Variants in AUTS2 observed in about 807,000 individuals in gnomAD.
AUTS2 encodes the protein activator of transcription and developmental regulator AUTS2.
A neutral mutation model predicts 112.4 loss-of-function variants in AUTS2; 17 were observed. The observed-to-expected ratio is 0.15, with a 90% confidence interval of 0.10 to 0.23. AUTS2 has a LOEUF of 0.23. AUTS2 is among the 10% of genes least tolerant of loss of function. The pLI is 1.00. For missense variants in AUTS2, 1,510 were observed against 1,701.6 expected, an observed-to-expected ratio of 0.89 and a Z score of 1.98; for synonymous variants, 751 against 702.7, an observed-to-expected ratio of 1.07 and a Z score of -1.09.
chr7:69,869,204 G>C (rs889390561), intron 1 of AUTS2, among the ~76,000 whole-genome samples: 1 of 152,156 alleles, frequency 6.6e-6, no homozygotes, highest in Admixed American at 6.5e-5. Context: ...AAGCTGGCAA[G>C]AGAGTCAATT....
At chr7:69,926,006 A>T (rs1427812198) in intron 2 of AUTS2, among the ~76,000 whole-genome samples, 1 of 152,168 alleles carries the variant, frequency 6.6e-6, no homozygotes, top group East Asian at 1.9e-4. Flanking sequence ...AAAACAAAAC[A>T]CACCTAGAAA....
intron 1 of AUTS2, among the ~76,000 whole-genome samples, chr7:69,724,581 A>G: frequency 6.6e-6 from 1 of 152,246 alleles, no homozygotes; most frequent in Non-Finnish European, 1.5e-5. Context: ...TAGCATCAGG[A>G]TTCAAGGTTA....
chr7:70,166,097 C>T (rs945233207), intron 4 of AUTS2, among the ~76,000 whole-genome samples: 2 of 152,076 alleles, frequency 1.3e-5, no homozygotes, highest in Non-Finnish European at 2.9e-5. Flanking sequence ...TTCCTGAGGC[C>T]TCTCAGTCAT....
intron 1 of AUTS2, among the ~76,000 whole-genome samples, chr7:69,782,303 G>C (rs1275744775): frequency 6.6e-6 from 1 of 151,888 alleles, no homozygotes; most frequent in Non-Finnish European, 1.5e-5. Context: ...ATCGAGGCTG[G>C]AGTGAGCTGT....
intron 1 of AUTS2, among the ~76,000 whole-genome samples, chr7:69,819,063 G>A (rs763619195): frequency 5.9e-5 from 9 of 152,210 alleles, no homozygotes; most frequent in Non-Finnish European, 1.0e-4. Flanking sequence ...GAGCTTGGGT[G>A]TGCCTGAGTT....
At position 69,899,424 on chromosome 7, in the gene AUTS2, T is replaced by A; in HGVS notation, c.448T>A (p.Ser150Thr). ...SRLSHPHHYS[S>T]DRENDRNLCQ... ...ACTCAGCCACCCACACCACTACAGC[T>A]CAGATCGAGAAAATGACCGCAATCT... Residue 150 changes from serine (S) to threonine (T), a missense_variant, in exon 2 of 19, where the codon TCA (serine) becomes ACA (threonine). This residue lies in a region of AUTS2 where 535 missense variants were observed against 594.3 expected (regional missense o/e 0.90). Transcript: ENST00000342771. The A allele has an allele frequency of 1.2e-6, 2 of 1,613,828 alleles. No homozygotes were observed. The highest frequency in any genetic ancestry group is 1.7e-6 in the Non-Finnish European group (2 of 1,179,864).
chr7:70,734,003 G>A (rs1787618986), intron 6 of AUTS2, among the ~76,000 whole-genome samples: 1 of 152,120 alleles, frequency 6.6e-6, no homozygotes, highest in South Asian at 2.1e-4. Flanking sequence ...TGGTGGCTGA[G>A]TTTCCTTTTA....
Position 70,595,099 on chromosome 7 carries a change from G to GAA in AUTS2, c.691-103459_691-103458dup, listed in dbSNP as rs11394098. Among the ~76,000 whole-genome samples, 189 of 146,290 alleles carry GAA rather than the reference G, an allele frequency of 1.3e-3. 1 individual carries two copies. Among genetic ancestry groups the GAA allele is most frequent in the African/African-American group, 3.6e-3 (145 of 39,732 alleles). Reference sequence around the variant, plus strand: ...CTGAACAAGAGTGAAACTGTCTCAAGAAAAAAAAAAAAGAATTATTACCAG... The same window carrying GAA: ...CTGAACAAGAGTGAAACTGTCTCAAGAAAAAAAAAAAAAAGAATTATTACCAG... On this transcript the variant is annotated intron_variant, in intron 5 of 18. Transcript: ENST00000342771.
intron 2 of AUTS2, among the ~76,000 whole-genome samples, chr7:69,962,791 A>G (rs1797484064): frequency 1.3e-5 from 2 of 151,952 alleles, no homozygotes; most frequent in South Asian, 4.2e-4. Flanking sequence ...AGGGCTGAAA[A>G]AGAGAGAGAA....
intron 6 of AUTS2, among the ~76,000 whole-genome samples, chr7:70,722,691 G>A (rs35858938): frequency 0.1 from 15,825 of 152,168 alleles, 1,035 homozygotes; most frequent in South Asian, 0.2. Context: ...AGTCATTATG[G>A]TGTCTGCTAA....
At chr7:70,021,032 G>T (rs1046565780) in intron 2 of AUTS2, among the ~76,000 whole-genome samples, 18 of 151,618 alleles carry the variant, frequency 1.2e-4, no homozygotes, top group Admixed American at 1.2e-3. Flanking sequence ...GCCCAGGCTG[G>T]AGTGCAATGG....
intron 1 of AUTS2, among the ~76,000 whole-genome samples, chr7:69,746,309 C>T (rs1787494073): frequency 6.6e-6 from 1 of 152,154 alleles, no homozygotes; most frequent in African/African-American, 2.4e-5. Context: ...TTTGATGATA[C>T]AGCAACAAAC....
chr7:69,681,459 A>C (rs1377169695), intron 1 of AUTS2, among the ~76,000 whole-genome samples: 1 of 152,190 alleles, frequency 6.6e-6, no homozygotes, highest in Non-Finnish European at 1.5e-5. Flanking sequence ...TTTGAAGATT[A>C]GGGTGGCCTG....
chr7:70,088,758 G>A lies in AUTS2; in HGVS notation c.523-29374G>A, dbSNP rs1272680823. ...CTCCCAAGTAGCTGAGATTACAGGC[G>A]CTTACCACCATGCCCAGCTAATTTT... is the stretch of plus-strand genomic sequence containing the variant. On this transcript the variant is annotated intron_variant, in intron 2 of 18. Transcript: ENST00000342771. Among the ~76,000 whole-genome samples, 6 of 151,694 alleles carry A rather than the reference G, an allele frequency of 4.0e-5. No homozygotes were observed. In the South Asian group the frequency reaches 6.3e-4, roughly 16 times the overall value.
chr7:70,499,177 A>G (rs1468550037), intron 5 of AUTS2, among the ~76,000 whole-genome samples: 1 of 152,208 alleles, frequency 6.6e-6, no homozygotes, highest in Non-Finnish European at 1.5e-5. Flanking sequence ...ACTGTGGTTC[A>G]GTGTGATGCA....
chr7:70,567,932 G>A (rs1344162500), intron 5 of AUTS2, among the ~76,000 whole-genome samples: 2 of 152,158 alleles, frequency 1.3e-5, no homozygotes, highest in South Asian at 2.1e-4. Context: ...GGCACCATAT[G>A]AGCAACAACA....
intron 4 of AUTS2, among the ~76,000 whole-genome samples, chr7:70,219,813 A>G (rs563704584): frequency 6.6e-6 from 1 of 151,800 alleles, no homozygotes; most frequent in East Asian, 1.9e-4. Context: ...CTCTTGATCC[A>G]CCCGCCTCGG....
chr7:70,586,875 C>A (rs891116353), intron 5 of AUTS2, among the ~76,000 whole-genome samples: 1 of 150,052 alleles, frequency 6.7e-6, no homozygotes, highest in Admixed American at 6.6e-5. Context: ...ACTTTCTCTT[C>A]ACTACTTGCA....
intron 5 of AUTS2, among the ~76,000 whole-genome samples, chr7:70,587,074 G>T (rs1296010205): frequency 6.6e-6 from 1 of 152,006 alleles, no homozygotes; most frequent in Non-Finnish European, 1.5e-5. Flanking sequence ...ATATGGCAAG[G>T]GATTTTTCTT....
Sources: gnomAD v4.1 joint callset for allele counts (sites outside exome capture counted in the v4.1 genomes callset) on GRCh38, gnomAD v4.1.1 for gene constraint, gnomAD v4.1.1 regional missense constraint, MANE v1.5 for transcripts, NCBI Gene and HGNC (gene_info 2026-07-23, HGNC 2026-07-21) for gene names.